The following FCRL2 variants were observed in gnomAD, a reference collection of about 807,000 sequenced individuals.
FCRL2 encodes the protein Fc receptor like 2.
In FCRL2, 48 loss-of-function variants were observed where a neutral mutation model predicts 59.8. The ratio of observed to expected loss-of-function variants is 0.80; its 90% CI spans 0.64 to 1.02. FCRL2 has a LOEUF of 1.02. Among genes scored for constraint, FCRL2 ranks in the 50% least tolerant of loss-of-function variants. The pLI is 0.00. For synonymous variants in FCRL2, 251 were observed against 229.5 expected (o/e 1.09, Z -0.85); for missense variants, 658 against 597.3 (o/e 1.10, Z -1.06).
chr1:157,775,678 C>T, intron 2 of FCRL2, 97 bp downstream of exon 2: 2 of 1,383,934 alleles, frequency 1.4e-6, no homozygotes, highest in African/African-American at 1.4e-5. Flanking sequence ...ATTAGGACAT[C>T]TTCACAGGCT....
At chr1:157,772,569 C>T (rs751601919) in intron 2 of FCRL2, among the ~76,000 whole-genome samples, 2 of 152,128 alleles carry the variant, frequency 1.3e-5, no homozygotes, top group African/African-American at 2.4e-5. Flanking sequence ...TCATCGTCAC[C>T]ACCAGGAGAT....
chr1:157,765,680 G>T (rs1261779791), intron 7 of FCRL2, among the ~76,000 whole-genome samples: 1 of 152,202 alleles, frequency 6.6e-6, no homozygotes, highest in Non-Finnish European at 1.5e-5. Flanking sequence ...AGACATAGCA[G>T]ATTCAAACTC....
At chr1:157,749,750 C>A in intron 7 of FCRL2, 73 bp from the exon 8 acceptor site, 1 of 1,186,722 alleles carries the variant, frequency 8.4e-7, no homozygotes, top group Non-Finnish European at 1.2e-6. Flanking sequence ...CATGATTTAA[C>A]TACGTATAAT....
At chr1:157,750,699 G>A (rs1248632871) in intron 7 of FCRL2, among the ~76,000 whole-genome samples, 4 of 152,178 alleles carry the variant, frequency 2.6e-5, no homozygotes, top group Non-Finnish European at 5.9e-5. Context: ...TTCATGGAAA[G>A]GAATGACCTC....
chr1:157,763,169 C>T (rs1324444614), intron 7 of FCRL2, among the ~76,000 whole-genome samples: 1 of 152,194 alleles, frequency 6.6e-6, no homozygotes, highest in East Asian at 1.9e-4. Context: ...AACAATATGA[C>T]AGGAAGAAAA....
intron 7 of FCRL2, among the ~76,000 whole-genome samples, chr1:157,754,129 G>A (rs1648409563): frequency 6.6e-6 from 1 of 152,116 alleles, no homozygotes. Context: ...TGGGTAAAAT[G>A]AGGCTGAAAC....
At position 157,769,951 on chromosome 1, in the gene FCRL2, T is replaced by A; in HGVS notation, c.510A>T (p.Glu170Asp). The change falls in exon 4 of 12, where the codon GAA becomes GAT. Residue 170 changes from glutamate (E) to aspartate (D), a missense_variant. Transcript: ENST00000361516. ...PELQISAVWS[E>D]DTGSYWCKAE... ...CCTTGCACCAGTAAGACCCTGTGTC[T>A]TCACTCCACACGGCAGAAATCTGGA... The A allele has an allele frequency of 6.2e-7, 1 of 1,614,190 alleles. No individual in the cohort carries two copies. Among genetic ancestry groups the A allele is most frequent in the Non-Finnish European group, 8.5e-7 (1 of 1,180,026 alleles).
chr1:157,764,866 C>T (rs1051782843), intron 7 of FCRL2, among the ~76,000 whole-genome samples: 6 of 151,976 alleles, frequency 3.9e-5, no homozygotes, highest in African/African-American at 7.2e-5. Flanking sequence ...ACAACAAAAA[C>T]GTGGAAAGAA....
chr1:157,748,816 C>A, intron 9 of FCRL2, 59 bp downstream of exon 9: 1 of 1,533,386 alleles, frequency 6.5e-7, no homozygotes, highest in Non-Finnish European at 9.0e-7. Context: ...GGTCTCCGCT[C>A]CTGTCTCCTC....
rs2101751975 is a variant in FCRL2 at position 157,770,451 on chromosome 1, G to A, written c.268C>T (p.Leu90Phe). ...YFCSTKGQLF[L>F]WDKTSNIVKI... is the part of the protein sequence containing the mutation. ...ACTATATTTGAAGTTTTATCCCAGA[G>A]AAAGAGTTGTCCTTTGGTACTACAG... Residue 90 changes from leucine (L) to phenylalanine (F), a missense_variant, in exon 3 of 12, where the codon CTC becomes TTC. Leu to Phe is a conservative substitution (Grantham distance 22, BLOSUM62 0). Transcript: ENST00000361516. The A allele has an allele frequency of 3.1e-6, 5 of 1,614,080 alleles. No individual in the cohort carries two copies. The highest frequency in any genetic ancestry group is 2.2e-5 in the East Asian group (1 of 44,892).
intron 6 of FCRL2, 90 bp from the exon 7 acceptor site, chr1:157,767,061 A>G: frequency 7.4e-7 from 1 of 1,360,370 alleles, no homozygotes; most frequent in South Asian, 1.4e-5. Flanking sequence ...ATACAAATTC[A>G]AGTAAGAGAT....
chr1:157,748,990 A>C, intron 8 of FCRL2, 30 bp from the exon 9 acceptor site: 1 of 1,586,630 alleles, frequency 6.3e-7, no homozygotes, highest in Non-Finnish European at 8.7e-7. Flanking sequence ...TTGTATGATA[A>C]TCCCCAGGGC....
intron 7 of FCRL2, among the ~76,000 whole-genome samples, chr1:157,755,456 A>G (rs750960768): frequency 1.3e-5 from 2 of 152,228 alleles, no homozygotes; most frequent in Non-Finnish European, 2.9e-5. Flanking sequence ...GTAACCCTTG[A>G]CAATATCTAT....
intron 2 of FCRL2, among the ~76,000 whole-genome samples, chr1:157,771,832 A>T (rs957739897): frequency 6.6e-6 from 1 of 152,112 alleles, no homozygotes; most frequent in Non-Finnish European, 1.5e-5. Flanking sequence ...TGACTGTCAG[A>T]TGTGTAGTAG....
Position 157,766,968 on chromosome 1 carries a change from G to A in FCRL2, c.1166C>T (p.Pro389Leu). The change falls in exon 7 of 12, where the codon CCT (proline) becomes CTT (leucine). Residue 389 changes from proline to leucine, a missense_variant. Pro to Leu is a moderately conservative substitution (Grantham distance 98). Coordinates refer to ENST00000361516, the MANE Select transcript of FCRL2 (RefSeq NM_030764.4). ...CATGAGGTCTCTTCTATAGCCATCA[G>A]GTCCTGAGGAAAGAAAGCAGTGCTT... Reference protein sequence around the residue: ...SEAVPVSISGPDGYRRDLMTA... With the variant: ...SEAVPVSISGLDGYRRDLMTA... 1 of 1,611,146 alleles carries A rather than the reference G, an allele frequency of 6.2e-7. No individual in the cohort carries two copies. The highest frequency in any genetic ancestry group is 2.2e-5 in the East Asian group (1 of 44,882).
intron 7 of FCRL2, among the ~76,000 whole-genome samples, chr1:157,751,411 A>T (rs1351784177): frequency 6.6e-6 from 1 of 152,220 alleles, no homozygotes; most frequent in Non-Finnish European, 1.5e-5. Context: ...GAAAAGGGAG[A>T]TGAGGAGCCT....
At position 157,773,657 on chromosome 1, in the gene FCRL2, C is replaced by G. The variant is rs192613218; in HGVS notation, c.52+2118G>C. Among the ~76,000 whole-genome samples, 345 of 152,294 alleles carry G rather than the reference C, an allele frequency of 2.3e-3. 1 individual carries two copies. The highest frequency in any genetic ancestry group is 7.2e-3 in the African/African-American group (298 of 41,546). On this transcript the variant is annotated intron_variant, in intron 2 of 11. Transcript: ENST00000361516. ...GCTGTGATGGCTCCAATGCCAACCACCTGGCAGTTTGAAGGCCTCAGCAGA... is the reference window on the plus strand; with the variant it reads ...GCTGTGATGGCTCCAATGCCAACCAGCTGGCAGTTTGAAGGCCTCAGCAGA...
At chr1:157,753,398 C>T (rs11264810) in intron 7 of FCRL2, among the ~76,000 whole-genome samples, 1 of 152,154 alleles carries the variant, frequency 6.6e-6, no homozygotes, top group African/African-American at 2.4e-5. Flanking sequence ...ATAATTTGCT[C>T]TATAGAACTC....
At chr1:157,749,051 CCTG>C (rs2101664910) in intron 8 of FCRL2, 91 bp from the exon 9 acceptor site, 1 of 1,104,486 alleles carries the variant, frequency 9.1e-7, no homozygotes, top group Non-Finnish European at 1.4e-6. Flanking sequence ...AGGTGGAAGC[CCTG>C]CAGCCATGGC....
Sources: allele counts gnomAD v4.1 joint callset (sites outside exome capture counted in the v4.1 genomes callset), GRCh38; gene constraint gnomAD v4.1.1; transcripts MANE v1.5; gene names NCBI Gene and HGNC (gene_info 2026-07-23, HGNC 2026-07-21).